The following ABHD2 variants were observed in gnomAD, a reference collection of about 807,000 sequenced individuals.
ABHD2 encodes the protein abhydrolase domain containing 2, acylglycerol lipase.
ABHD2 carries 20 observed loss-of-function variants against 48.1 expected under a neutral mutation model. That is an observed-to-expected ratio of 0.42 (90% CI 0.29 to 0.60). The LOEUF is 0.60. ABHD2 is among the 20% of genes least tolerant of loss of function. The pLI is 0.24. For missense variants in ABHD2, 405 were observed against 550.9 expected (o/e 0.74, Z 2.65); for synonymous variants, 209 against 214.2 (o/e 0.98, Z 0.21).
chr15:89,201,395 A>T lies in ABHD2; in HGVS notation c.*5972A>T. 2 of 1,193,898 alleles carry T rather than the reference A, an allele frequency of 1.7e-6. No individual in the cohort carries two copies. Among genetic ancestry groups the T allele is most frequent in the Non-Finnish European group, 2.5e-6 (2 of 808,754 alleles). 74.0% of individuals were successfully genotyped at this position (1,193,898 alleles called of 1,614,324 possible). A position where few individuals can be genotyped will look rare whatever the true frequency, so the allele number is the denominator to read the frequency against. ...CAGTGGGACAGCTTTGCTGGGTTCC[A>T]TGTCATTCAATTTATCATTTTCATT... is the stretch of plus-strand genomic sequence containing the variant. On this transcript the variant is annotated 3_prime_UTR_variant, in exon 11 of 11. Transcript: ENST00000352732.
chr15:89,059,037 C>T, the ABHD2 span, among the ~76,000 whole-genome samples: 1 of 152,150 alleles, frequency 6.6e-6, no homozygotes, highest in Admixed American at 6.5e-5. Context: ...TGAAGGAAGA[C>T]TAGGAATGGG....
chr15:89,043,609 G>A, the ABHD2 span, among the ~76,000 whole-genome samples: 1 of 140,678 alleles, frequency 7.1e-6, no homozygotes, highest in African/African-American at 2.6e-5. Flanking sequence ...GAGAGGAGGA[G>A]GAGACGAGGA....
At position 89,195,007 on chromosome 15, in the gene ABHD2, CCCATTCAGCT is replaced by C. The variant is rs1441176118; in HGVS notation, c.1082-216_1082-207del. 6.6e-6 allele frequency among the ~76,000 whole-genome samples: 1 copy of C among 152,208 alleles called. No individual in the cohort carries two copies. Among genetic ancestry groups the C allele is most frequent in the Admixed American group, 6.5e-5 (1 of 15,276 alleles). ...GTTCTAAGGCTTTCTTCAGCTGGTG[CCCATTCAGCT>C]CCAAAGCCAAGCTGTACTCTAAAAC... On this transcript the variant is annotated intron_variant, in intron 10 of 10. Coordinates refer to ENST00000352732, the MANE Select transcript of ABHD2 (RefSeq NM_152924.5). This position sits in a 1 kb window ranked among gnomAD's most constrained non-coding sequence, Gnocchi z 5.1.
intron 6 of ABHD2, among the ~76,000 whole-genome samples, chr15:89,178,904 C>A (rs1282842294): frequency 2.0e-5 from 3 of 152,164 alleles, no homozygotes; most frequent in South Asian, 2.1e-4. Flanking sequence ...AAAATAAATT[C>A]TTTCCCAAGA....
rs907156031 is a variant in ABHD2, at chr15:89,100,990, T to C, written c.-107+12427T>C. 1.3e-5 allele frequency among the ~76,000 whole-genome samples: 2 copies of C among 152,242 alleles called. No homozygotes were observed. The highest frequency in any genetic ancestry group is 4.8e-5 in the African/African-American group (2 of 41,464). ...AGCTCATGTCAGTTGGAGAATACCATAGACAATTTTGTTGCATTGTATATT... is the reference window on the plus strand; with the variant it reads ...AGCTCATGTCAGTTGGAGAATACCACAGACAATTTTGTTGCATTGTATATT... On this transcript the variant is annotated intron_variant, in intron 1 of 10. Coordinates refer to ENST00000352732, the MANE Select transcript of ABHD2 (RefSeq NM_152924.5). This position sits in a 1 kb window ranked among gnomAD's most constrained non-coding sequence, Gnocchi z 4.4.
intron 3 of ABHD2, among the ~76,000 whole-genome samples, chr15:89,119,922 C>T (rs1021388111): frequency 4.6e-5 from 7 of 152,170 alleles, no homozygotes; most frequent in African/African-American, 1.4e-4. Flanking sequence ...TACAAGGAAG[C>T]CTGTCTGCAG....
intron 3 of ABHD2, among the ~76,000 whole-genome samples, chr15:89,134,547 A>T (rs952080547): frequency 1.3e-5 from 2 of 152,198 alleles, no homozygotes; most frequent in Non-Finnish European, 2.9e-5. Flanking sequence ...TGCTGTGGGC[A>T]GTGGGGCGAT....
At chr15:89,078,513 C>G in the ABHD2 span, among the ~76,000 whole-genome samples, 20 of 152,122 alleles carry the variant, frequency 1.3e-4, no homozygotes, top group African/African-American at 4.8e-4. Context: ...ACAAATGGCG[C>G]TATTATGAAC....
chr15:89,057,725 C>G, the ABHD2 span, among the ~76,000 whole-genome samples: 2 of 151,834 alleles, frequency 1.3e-5, no homozygotes, highest in Non-Finnish European at 2.9e-5. Flanking sequence ...CCATCTATTG[C>G]CACCATGCGG....
chr15:89,083,729 A>T (rs1901314436), upstream of ABHD2, among the ~76,000 whole-genome samples: 2 of 152,254 alleles, frequency 1.3e-5, no homozygotes, highest in African/African-American at 4.8e-5. The surrounding 1 kb of genome is among the most constrained non-coding windows in gnomAD (Gnocchi z 5.1). Context: ...CTCAAATCAC[A>T]GACAAGATTA....
At chr15:89,156,277 C>T (rs972950417) in intron 5 of ABHD2, among the ~76,000 whole-genome samples, 24 of 151,874 alleles carry the variant, frequency 1.6e-4, no homozygotes, top group Admixed American at 1.4e-3. Flanking sequence ...CCCGCCACCA[C>T]GCCTGGCTAA....
the ABHD2 span, among the ~76,000 whole-genome samples, chr15:89,049,274 A>G: frequency 6.6e-6 from 1 of 152,162 alleles, no homozygotes; most frequent in Admixed American, 6.5e-5. Flanking sequence ...ATGCTGGGAG[A>G]ACCACTGCTC....
intron 9 of ABHD2, among the ~76,000 whole-genome samples, chr15:89,192,379 A>G (rs533084176): frequency 6.6e-6 from 1 of 152,312 alleles, no homozygotes; most frequent in African/African-American, 2.4e-5. Context: ...TATCAGTACC[A>G]TCTCCACTAA....
At position 89,168,515 on chromosome 15, in the gene ABHD2, C is replaced by T. The variant is rs988924481; in HGVS notation, c.539-7297C>T. On this transcript the variant is annotated intron_variant, in intron 5 of 10. Coordinates refer to ENST00000352732, the MANE Select transcript of ABHD2 (RefSeq NM_152924.5). This position sits in a 1 kb window ranked among gnomAD's most constrained non-coding sequence, Gnocchi z 4.8. ...CCTGGAGCTGGGCACCATGTCTTTG[C>T]CCTTCCCTTGCATGGGAGAGGTGGC... 1.3e-5 allele frequency among the ~76,000 whole-genome samples: 2 copies of T among 152,198 alleles called. No homozygotes were observed. Among genetic ancestry groups the T allele is most frequent in the African/African-American group, 4.8e-5 (2 of 41,442 alleles).
At chr15:89,180,715 A>C (rs28398218) in intron 6 of ABHD2, among the ~76,000 whole-genome samples, 1 of 152,120 alleles carries the variant, frequency 6.6e-6, no homozygotes, top group African/African-American at 2.4e-5. Flanking sequence ...CAGCCTGCCT[A>C]GGATCGTGCC....
At chr15:89,160,245 A>G (rs1280781833) in intron 5 of ABHD2, among the ~76,000 whole-genome samples, 1 of 152,258 alleles carries the variant, frequency 6.6e-6, no homozygotes. Context: ...TAATTGAGGC[A>G]GGTCCACAGT....
chr15:89,188,362 C>A lies in ABHD2; in HGVS notation c.926+59C>A. 6.7e-7 allele frequency: 1 copy of A among 1,499,408 alleles called. No individual in the cohort carries two copies. The highest frequency in any genetic ancestry group is 9.3e-7 in the Non-Finnish European group (1 of 1,080,284). 92.9% of individuals were successfully genotyped at this position (1,499,408 alleles called of 1,614,324 possible). Reference sequence around the variant, plus strand: ...GGGCAGGGTGCCAGGCAGGAGGCTGCAGGTCAGCTGTGCCCAGCACTAGTG... The same window carrying A: ...GGGCAGGGTGCCAGGCAGGAGGCTGAAGGTCAGCTGTGCCCAGCACTAGTG... On this transcript the variant is annotated intron_variant, in intron 8 of 10. Coordinates refer to ENST00000352732, the MANE Select transcript of ABHD2 (RefSeq NM_152924.5). This position sits in a 1 kb window ranked among gnomAD's most constrained non-coding sequence, Gnocchi z 4.1.
rs1901647455 is a variant in ABHD2 at position 89,092,805 on chromosome 15, C to A, written c.-107+4242C>A. On this transcript the variant is annotated intron_variant, in intron 1 of 10. Coordinates refer to ENST00000352732, the MANE Select transcript of ABHD2 (RefSeq NM_152924.5). This position sits in a 1 kb window ranked among gnomAD's most constrained non-coding sequence, Gnocchi z 4.4. ...TTTCTTGGCAGTGTGAAAAGAGCTTCCACGTCATTTTTTATGAAGGCCGTC... is the reference window on the plus strand; with the variant it reads ...TTTCTTGGCAGTGTGAAAAGAGCTTACACGTCATTTTTTATGAAGGCCGTC... 6.6e-6 allele frequency among the ~76,000 whole-genome samples: 1 copy of A among 152,226 alleles called. No homozygotes were observed. The highest frequency in any genetic ancestry group is 2.4e-5 in the African/African-American group (1 of 41,450).
At chr15:89,134,673 T>G (rs2050274867) in intron 3 of ABHD2, among the ~76,000 whole-genome samples, 1 of 152,180 alleles carries the variant, frequency 6.6e-6, no homozygotes, top group African/African-American at 2.4e-5. Flanking sequence ...TCTTATTATT[T>G]TTATTGTGTA....
Sources: allele counts gnomAD v4.1 joint callset (sites outside exome capture counted in the v4.1 genomes callset), GRCh38; gene constraint gnomAD v4.1.1; non-coding constraint Gnocchi (gnomAD v3.1); transcripts MANE v1.5; gene names NCBI Gene and HGNC (gene_info 2026-07-23, HGNC 2026-07-21).